The following SFI1 variants were observed in gnomAD, a reference collection of about 807,000 sequenced individuals.
SFI1 encodes the protein SFI1 centrin binding protein.
SFI1 carries 195 observed loss-of-function variants against 207.5 expected under a neutral mutation model. The ratio of observed to expected loss-of-function variants is 0.94; its 90% CI spans 0.84 to 1.06. The LOEUF (loss-of-function observed/expected upper bound fraction) is 1.06. Ranked by LOEUF, SFI1 falls within the 50% of genes least tolerant of loss-of-function variation. SFI1 has a pLI of 0.00. For synonymous variants in SFI1, 630 were observed against 598.9 expected (o/e 1.05, Z -0.76); for missense variants, 1,634 against 1,588.0 (o/e 1.03, Z -0.49).
chr22:31,603,440 CTG>C (rs1481429759), intron 17 of SFI1, among the ~76,000 whole-genome samples: 2 of 152,160 alleles, frequency 1.3e-5, no homozygotes, highest in African/African-American at 4.8e-5. Context: ...TCAGTGTCCA[CTG>C]TGTGTTCTGA....
intron 14 of SFI1, among the ~76,000 whole-genome samples, chr22:31,586,255 C>G (rs7285777): frequency 0.36 from 55,074 of 151,896 alleles, 11,028 homozygotes; most frequent in Middle Eastern, 0.5. Context: ...GCCAGTCCAC[C>G]TCCACCCCTA....
At chr22:31,568,742 A>G (rs1672790156) in intron 8 of SFI1, among the ~76,000 whole-genome samples, 1 of 152,078 alleles carries the variant, frequency 6.6e-6, no homozygotes, top group Non-Finnish European at 1.5e-5. Flanking sequence ...GAATTGTGTC[A>G]GAAGGACTCA....
chr22:31,505,126 C>G lies in SFI1; in HGVS notation c.-30-3129C>G, dbSNP rs746204345. Among the ~76,000 whole-genome samples, 24 of 152,076 alleles carry G rather than the reference C, an allele frequency of 1.6e-4. 3 individuals carry two copies. Among genetic ancestry groups the G allele is most frequent in the Admixed American group, 1.4e-3 (22 of 15,246 alleles). ...CAGTTCCTAATGAATATTTTTGATA[C>G]AAATTATCACCAATTGAAAATGAAA... is the stretch of plus-strand genomic sequence containing the variant. On this transcript the variant is annotated intron_variant, in intron 1 of 32. Coordinates refer to ENST00000400288, the MANE Select transcript of SFI1 (RefSeq NM_001007467.3).
chr22:31,501,396 C>T (rs1293781485), intron 1 of SFI1, among the ~76,000 whole-genome samples: 1 of 151,762 alleles, frequency 6.6e-6, no homozygotes, highest in East Asian at 2.0e-4. Context: ...TGGTCTCGAT[C>T]TCCTGACCTC....
chr22:31,602,564 C>T (rs761464190), intron 16 of SFI1, 43 bp from the exon 17 acceptor site: 1 of 1,602,982 alleles, frequency 6.2e-7, no homozygotes, highest in Non-Finnish European at 8.5e-7. Context: ...GTGCCTCTCT[C>T]CTACTTGATT....
At position 31,612,381 on chromosome 22, in the gene SFI1, A is replaced by AGG. The variant is rs1569461992; in HGVS notation, c.2490+541_2490+542insGG. ...GGCAACAGAGCGAGACTCTGTCTAA[A>AGG]AAAAAAAAAAAAAAAAAATATATAT... On this transcript the variant is annotated intron_variant, in intron 24 of 32. Transcript: ENST00000400288. 6.9e-4 allele frequency: 59 copies of AGG among 85,008 alleles called. 1 individual carries two copies. Among genetic ancestry groups the AGG allele is most frequent in the Non-Finnish European group, 1.2e-3 (53 of 42,950 alleles). 5.3% of individuals were successfully genotyped at this position (85,008 alleles called of 1,614,324 possible). A position where few individuals can be genotyped will look rare whatever the true frequency, so the allele number is the denominator to read the frequency against.
rs534714349 is a variant in SFI1, at chr22:31,520,055, C to T, written c.93-8635C>T. On this transcript the variant is annotated intron_variant, in intron 2 of 32. Coordinates refer to ENST00000400288, the MANE Select transcript of SFI1 (RefSeq NM_001007467.3). ...TGCTGGGATTACAGGCATGAGCCAC[C>T]GTGCCTGGCCAAAAATTATTTACTG... Among the ~76,000 whole-genome samples the T allele has an allele frequency of 2.6e-5, 4 of 151,550 alleles. No individual in the cohort carries two copies. The South Asian group carries it at 8.3e-4, about 32-fold the overall frequency.
At chr22:31,589,798 TGTG>T (rs373339164) in intron 15 of SFI1, among the ~76,000 whole-genome samples, 2 of 140,446 alleles carry the variant, frequency 1.4e-5, no homozygotes, top group Non-Finnish European at 3.2e-5. Context: ...TTATTTTTTT[TGTG>T]TGTGTGTATA....
At chr22:31,607,771 A>G in intron 21 of SFI1, 166 bp from the exon 22 acceptor site, 6 of 553,062 alleles carry the variant, frequency 1.1e-5, no homozygotes, top group East Asian at 8.9e-5. Context: ...GCCCTGTCCT[A>G]TTGCTCAGTG....
chr22:31,613,422 C>T lies in SFI1; in HGVS notation c.2634C>T (p.Leu878=), dbSNP rs770505073. Residue 878 remains leucine (L), a synonymous_variant, in exon 26 of 33, where the codon CTC becomes CTT. Transcript: ENST00000400288. ...RRKKARLQWA[L]QAYQGQLLQE... is the part of the protein sequence containing the mutation. ...AGAAGGCGCGGCTGCAGTGGGCGCT[C>T]CAGGCCTACCAGGGGCAGCTCCTCC... The T allele has an allele frequency of 6.2e-6, 10 of 1,609,864 alleles. No individual in the cohort carries two copies. The East Asian group carries it at 2.0e-4, about 32-fold the overall frequency.
At chr22:31,570,165 A>G (rs1425204362) in intron 8 of SFI1, among the ~76,000 whole-genome samples, 1 of 152,024 alleles carries the variant, frequency 6.6e-6, no homozygotes, top group Non-Finnish European at 1.5e-5. Flanking sequence ...AGAGATGATC[A>G]AGGATATAAA....
rs1375697662 is a variant in SFI1, at chr22:31,615,109, C to T, written c.3130C>T (p.Arg1044Trp). 11 of 1,606,106 alleles carry T rather than the reference C, an allele frequency of 6.8e-6. No homozygotes were observed. Among genetic ancestry groups the T allele is most frequent in the East Asian group, 2.2e-5 (1 of 44,822 alleles). ...MAQPAAPSLT[R>W]PFLAEAPTAL... ...TCAGCCAGCAGCCCCCTCCCTGACG[C>T]GGCCCTTCCTGGCAGAGGCCCCGAC... The change falls in exon 29 of 33, where the codon CGG becomes TGG. Residue 1044 changes from arginine to tryptophan, a missense_variant. Physicochemically the swap from Arg to Trp is moderately radical, Grantham distance 101 (BLOSUM62 -3). Coordinates refer to ENST00000400288, the MANE Select transcript of SFI1 (RefSeq NM_001007467.3).
At chr22:31,501,041 C>T (rs2053676411) in intron 1 of SFI1, among the ~76,000 whole-genome samples, 1 of 151,984 alleles carries the variant, frequency 6.6e-6, no homozygotes, top group East Asian at 1.9e-4. Flanking sequence ...CCGTGACCCA[C>T]CCACCTTGGC....
intron 25 of SFI1, 53 bp from the exon 26 acceptor site, chr22:31,613,301 T>G (rs1221147950): frequency 6.2e-7 from 1 of 1,605,132 alleles, no homozygotes; most frequent in East Asian, 2.2e-5. Context: ...ACCTGGTCTG[T>G]GGGGGAGCTC....
Position 31,613,521 on chromosome 22 carries a change from G to T in SFI1, c.2733G>T (p.Gln911His). The T allele has an allele frequency of 6.3e-7, 1 of 1,591,106 alleles. No individual in the cohort carries two copies. ...CCCGGCAGCAGCTGCAGGCCCAGCA[G>T]CAGGTCCAGGTAGGCCCAGGGCCCC... ...KASRQQLQAQ[Q>H]QVQAAHSLHR... Residue 911 changes from glutamine to histidine, a missense_variant, in exon 26 of 33, where the codon CAG becomes CAT. By Grantham distance (24) the Gln-to-His change is conservative. Transcript: ENST00000400288.
rs1555983935 is a variant in SFI1, at chr22:31,545,574, A to AATTTAATTTT, written c.339-1278_339-1277insTATTTAATTT. ...AATTTAATTTAATTTAATTTAATTTAATTTAATTTAATTTTATTTTATTTT... is the reference window on the plus strand; with the variant it reads ...AATTTAATTTAATTTAATTTAATTTAATTTAATTTTATTTAATTTAATTTTATTTTATTTT... On this transcript the variant is annotated intron_variant, in intron 4 of 32. Transcript: ENST00000400288. Among the ~76,000 whole-genome samples the AATTTAATTTT allele has an allele frequency of 5.0e-4, 66 of 130,956 alleles. 1 individual carries two copies. The highest frequency in any genetic ancestry group is 2.5e-3 in the African/African-American group (65 of 26,466). 85.9% of individuals were successfully genotyped at this position (130,956 alleles called of 152,430 possible). A position where few individuals can be genotyped will look rare whatever the true frequency, so the allele number is the denominator to read the frequency against.
At chr22:31,580,810 T>C (rs1424443916) in intron 12 of SFI1, among the ~76,000 whole-genome samples, 4 of 152,182 alleles carry the variant, frequency 2.6e-5, no homozygotes, top group Non-Finnish European at 4.4e-5. Context: ...CCCAAAGTGC[T>C]GGGATTACAG....
intron 20 of SFI1, 156 bp downstream of exon 20, chr22:31,605,101 G>A: frequency 6.4e-6 from 4 of 624,798 alleles, no homozygotes; most frequent in East Asian, 3.2e-5. Context: ...CTTCACTCAC[G>A]GGTTCGCCTT....
intron 2 of SFI1, among the ~76,000 whole-genome samples, chr22:31,515,568 G>A (rs2056374850): frequency 1.5e-5 from 2 of 137,148 alleles, no homozygotes; most frequent in African/African-American, 5.5e-5. Context: ...GTGTGTGTGT[G>A]TAGACAGGGT....
Sources: allele counts gnomAD v4.1 joint callset (sites outside exome capture counted in the v4.1 genomes callset), GRCh38; gene constraint gnomAD v4.1.1; transcripts MANE v1.5; gene names NCBI Gene and HGNC (gene_info 2026-07-23, HGNC 2026-07-21).